Variants in L3MBTL4 observed in about 807,000 individuals in gnomAD.
L3MBTL4 encodes the protein lethal(3)malignant brain tumor-like protein 4.
In L3MBTL4, 70 loss-of-function variants were observed where a neutral mutation model predicts 84.5. The observed-to-expected ratio is 0.83, with a 90% CI of 0.68 to 1.01. The LOEUF (loss-of-function observed/expected upper bound fraction) is 1.01, where lower values mean the gene tolerates loss of function less well. Among genes scored for constraint, L3MBTL4 ranks in the 50% least tolerant of loss-of-function variants. The pLI is 0.00. For missense variants in L3MBTL4, 715 were observed against 754.8 expected, an observed-to-expected ratio of 0.95 and a Z score of 0.62; for synonymous variants, 274 against 259.8, an observed-to-expected ratio of 1.05 and a Z score of -0.52.
At chr18:6,014,729 G>T (rs925182710) in intron 16 of L3MBTL4, among the ~76,000 whole-genome samples, 1 of 152,054 alleles carries the variant, frequency 6.6e-6, no homozygotes, top group African/African-American at 2.4e-5. Flanking sequence ...GAGGACAAAG[G>T]GTTTTGTTAA....
chr18:6,408,905 A>G (rs933020403), intron 1 of L3MBTL4, among the ~76,000 whole-genome samples: 3 of 151,872 alleles, frequency 2.0e-5, no homozygotes, highest in Non-Finnish European at 4.4e-5. Context: ...TCGAACTCCT[A>G]AACTCAGGCA....
chr18:5,965,946 T>G (rs1207697649), intron 17 of L3MBTL4, among the ~76,000 whole-genome samples: 1 of 152,162 alleles, frequency 6.6e-6, no homozygotes, highest in Non-Finnish European at 1.5e-5. Flanking sequence ...CACTTAGACT[T>G]TCCCATGGCT....
chr18:6,203,976 C>T (rs1164351527), intron 12 of L3MBTL4, among the ~76,000 whole-genome samples: 2 of 152,184 alleles, frequency 1.3e-5, no homozygotes, highest in Non-Finnish European at 2.9e-5. Context: ...TCTGCCGTGC[C>T]CGTTTAGGGT....
chr18:6,381,284 C>T (rs1203078151), intron 1 of L3MBTL4, among the ~76,000 whole-genome samples: 1 of 152,122 alleles, frequency 6.6e-6, no homozygotes, highest in Non-Finnish European at 1.5e-5. Context: ...ACTCTTTATC[C>T]AATTTGCCAG....
chr18:6,320,558 T>C (rs1284793688), intron 1 of L3MBTL4, among the ~76,000 whole-genome samples: 1 of 151,828 alleles, frequency 6.6e-6, no homozygotes, highest in Non-Finnish European at 1.5e-5. Context: ...ATGATCTCTA[T>C]GAAGAGAACT....
rs372921472 is a variant in L3MBTL4 at position 6,314,410 on chromosome 18, G to A, written c.-90-2354C>T. Among the ~76,000 whole-genome samples the A allele has an allele frequency of 3.9e-5, 6 of 152,098 alleles. No homozygotes were observed. In the East Asian group the frequency reaches 5.8e-4, roughly 15 times the overall value. On this transcript the variant is annotated intron_variant, in intron 1 of 18. Transcript: ENST00000317931. ...AACACATTATCCAGGGAAAGTAAAG[G>A]TATATACCAACTAGACTGAGCTGTG...
rs560622261 is a variant in L3MBTL4, at chr18:6,219,764, A to T, written c.785-3929T>A. Among the ~76,000 whole-genome samples the T allele has an allele frequency of 1.1e-3, 169 of 152,186 alleles. 2 individuals carry two copies. The South Asian group carries it at 0.034, about 31-fold the overall frequency. Reference sequence around the variant, plus strand: ...AAGCAGAACAGCCTGAACGCTCAGGAAGAAGGGGATTTTCCAAACAGCTGA... The same window carrying T: ...AAGCAGAACAGCCTGAACGCTCAGGTAGAAGGGGATTTTCCAAACAGCTGA... On this transcript the variant is annotated intron_variant, in intron 10 of 18. Coordinates refer to ENST00000317931, the MANE Select transcript of L3MBTL4 (RefSeq NM_001330559.2).
intron 16 of L3MBTL4, among the ~76,000 whole-genome samples, chr18:6,072,805 C>A (rs1168583799): frequency 7.1e-6 from 1 of 140,062 alleles, no homozygotes; most frequent in Admixed American, 7.3e-5. Flanking sequence ...GCAATGAGCC[C>A]AGATCGTGCC....
At chr18:6,031,015 T>C in intron 16 of L3MBTL4, 1 of 985,404 alleles carries the variant, frequency 1.0e-6, no homozygotes, top group African/African-American at 1.7e-5. Context: ...CTGGTCCATG[T>C]TTCCATTTTA....
At chr18:6,378,173 T>C (rs1359786119) in intron 1 of L3MBTL4, among the ~76,000 whole-genome samples, 2 of 152,226 alleles carry the variant, frequency 1.3e-5, no homozygotes, top group African/African-American at 2.4e-5. Flanking sequence ...TTGTTTGTTT[T>C]TTTCTTGTAA....
rs77503379 is a variant in L3MBTL4, at chr18:6,292,737, C to G, written c.127+9166G>C. 4.1e-4 allele frequency among the ~76,000 whole-genome samples: 62 copies of G among 152,292 alleles called. No individual in the cohort carries two copies. In the East Asian group the frequency reaches 8.9e-3, roughly 22 times the overall value. ...TTGTCATAACCAACTAAGACAGAGT[C>G]AAGAAGCCAGGAGGACAAAGTACTC... is the stretch of plus-strand genomic sequence containing the variant. On this transcript the variant is annotated intron_variant, in intron 4 of 18. Transcript: ENST00000317931.
chr18:6,137,979 G>A (rs902530846), intron 14 of L3MBTL4, among the ~76,000 whole-genome samples: 1 of 152,274 alleles, frequency 6.6e-6, no homozygotes, highest in African/African-American at 2.4e-5. Flanking sequence ...GACATGAAGT[G>A]GGTCTGGGAA....
chr18:6,033,879 A>G (rs530925481), intron 16 of L3MBTL4, among the ~76,000 whole-genome samples: 2 of 152,326 alleles, frequency 1.3e-5, no homozygotes, highest in South Asian at 4.1e-4. Flanking sequence ...CAAACCATAA[A>G]CTAATTATTT....
rs575564662 is a variant in L3MBTL4, at chr18:6,157,659, CTGTTTA to C, written c.1096+14163_1096+14168del. On this transcript the variant is annotated intron_variant, in intron 13 of 18. Transcript: ENST00000317931. ...TTTATCAAGTTATGTGCTATTATGC[CTGTTTA>C]TGTTTAACTGTTAAATAAATTAGCA... Among the ~76,000 whole-genome samples, 132 of 152,072 alleles carry C rather than the reference CTGTTTA, an allele frequency of 8.7e-4. No individual in the cohort carries two copies. In the South Asian group the frequency reaches 0.013, roughly 15 times the overall value.
chr18:6,290,635 C>A (rs1252740637), intron 4 of L3MBTL4, among the ~76,000 whole-genome samples: 3 of 152,064 alleles, frequency 2.0e-5, no homozygotes, highest in Non-Finnish European at 4.4e-5. Context: ...TCAACCAATT[C>A]TCCTGCCTCA....
At chr18:6,143,393 C>T (rs1309360621) in intron 13 of L3MBTL4, among the ~76,000 whole-genome samples, 1 of 152,076 alleles carries the variant, frequency 6.6e-6, no homozygotes, top group Non-Finnish European at 1.5e-5. Flanking sequence ...AATAAAAATG[C>T]ATGGGACCTA....
chr18:6,111,661 C>T (rs2059199858), intron 14 of L3MBTL4, among the ~76,000 whole-genome samples: 2 of 152,096 alleles, frequency 1.3e-5, no homozygotes, highest in African/African-American at 4.8e-5. Context: ...TGAGCATCTG[C>T]CCTTCTCTTC....
chr18:6,385,750 C>T (rs1279674494), intron 1 of L3MBTL4, among the ~76,000 whole-genome samples: 2 of 152,172 alleles, frequency 1.3e-5, no homozygotes, highest in Non-Finnish European at 2.9e-5. Context: ...TCAGAATGCC[C>T]TTTCCCTATT....
intron 1 of L3MBTL4, among the ~76,000 whole-genome samples, chr18:6,346,153 G>A (rs982807044): frequency 2.0e-4 from 29 of 143,642 alleles, no homozygotes; most frequent in Non-Finnish European, 3.8e-4. Flanking sequence ...TATGCAAAAT[G>A]AAGATCTTAT....
Sources: allele counts gnomAD v4.1 joint callset (sites outside exome capture counted in the v4.1 genomes callset), GRCh38; gene constraint gnomAD v4.1.1; transcripts MANE v1.5; gene names NCBI Gene and HGNC (gene_info 2026-07-23, HGNC 2026-07-21).